The following SLC22A24 variants were observed in gnomAD, a reference collection of about 807,000 sequenced individuals.
SLC22A24 encodes solute carrier family 22 member 24.
A neutral mutation model predicts 49.8 loss-of-function variants in SLC22A24; 53 were observed. The observed-to-expected ratio is 1.06, with a 90% CI of 0.85 to 1.34. The LOEUF (loss-of-function observed/expected upper bound fraction) is 1.34, where lower values mean the gene tolerates loss of function less well. Ranked by LOEUF, SLC22A24 falls within the 40% of genes most tolerant of loss-of-function variation. The pLI is 0.00. For synonymous variants in SLC22A24, 302 were observed against 256.4 expected, an observed-to-expected ratio of 1.18 and a Z score of -1.70; for missense variants, 786 against 675.9, an observed-to-expected ratio of 1.16 and a Z score of -1.81.
chr11:63,131,603 G>A (rs891934059), intron 2 of SLC22A24, among the ~76,000 whole-genome samples: 3 of 152,256 alleles, frequency 2.0e-5, no homozygotes, highest in East Asian at 1.9e-4. Flanking sequence ...TTGAATATTG[G>A]CCCCCAATCT....
At chr11:63,127,483 G>T (rs1317570020) in intron 2 of SLC22A24, among the ~76,000 whole-genome samples, 1 of 152,044 alleles carries the variant, frequency 6.6e-6, no homozygotes, top group Non-Finnish European at 1.5e-5. Flanking sequence ...TAATCCTTTG[G>T]GTATATACCC....
chr11:63,125,316 C>G (rs1340595439), intron 2 of SLC22A24, among the ~76,000 whole-genome samples: 1 of 152,096 alleles, frequency 6.6e-6, no homozygotes, highest in Non-Finnish European at 1.5e-5. Context: ...TAGCCCTGCA[C>G]TCCACGACAG....
chr11:63,136,804 G>A (rs1349930360), intron 1 of SLC22A24, among the ~76,000 whole-genome samples: 1 of 152,208 alleles, frequency 6.6e-6, no homozygotes, highest in Non-Finnish European at 1.5e-5. Flanking sequence ...GCCAGCCCAA[G>A]TGGTCGCCTA....
chr11:63,088,718 T>C lies in SLC22A24; in HGVS notation c.1071-5261A>G, dbSNP rs1040008633. Among the ~76,000 whole-genome samples, 21 of 152,120 alleles carry C rather than the reference T, an allele frequency of 1.4e-4. No homozygotes were observed. The South Asian group carries it at 1.5e-3, about 11-fold the overall frequency. ...GAACTGCTAACTAGAATGACCAGTT[T>C]AGAGAAAAACATAAATTACCTGATG... On this transcript the variant is annotated intron_variant, in intron 6 of 9. Transcript: ENST00000612278.
chr11:63,111,792 A>G (rs1009495746), intron 4 of SLC22A24, among the ~76,000 whole-genome samples: 5 of 152,126 alleles, frequency 3.3e-5, no homozygotes, highest in African/African-American at 7.2e-5. Flanking sequence ...GATCCTTTCA[A>G]AAAACCAGCT....
intron 9 of SLC22A24, 59 bp downstream of exon 9, chr11:63,080,861 T>C: frequency 6.9e-7 from 1 of 1,440,584 alleles, no homozygotes; most frequent in Non-Finnish European, 9.5e-7. Flanking sequence ...CCTTTCTCAT[T>C]AAACAGCTAC....
chr11:63,080,098 G>T, intron 9 of SLC22A24, 98 bp from the exon 10 acceptor site: 1 of 717,658 alleles, frequency 1.4e-6, no homozygotes, highest in South Asian at 1.8e-5. Flanking sequence ...AGGACAAGCT[G>T]CCCTCTACCC....
chr11:63,087,975 G>A (rs1008357817), intron 6 of SLC22A24, among the ~76,000 whole-genome samples: 40 of 152,264 alleles, frequency 2.6e-4, no homozygotes, highest in African/African-American at 9.1e-4. Context: ...AGTGGCTGTG[G>A]GCGCAGCTTC....
chr11:63,128,749 T>A (rs1290136541), intron 2 of SLC22A24, among the ~76,000 whole-genome samples: 2 of 152,186 alleles, frequency 1.3e-5, no homozygotes, highest in African/African-American at 4.8e-5. Flanking sequence ...ACCTTACCTA[T>A]CATTGGAGAT....
intron 2 of SLC22A24, among the ~76,000 whole-genome samples, chr11:63,131,798 T>C (rs1363144289): frequency 6.6e-6 from 1 of 152,206 alleles, no homozygotes; most frequent in African/African-American, 2.4e-5. Flanking sequence ...TAGTGTTCTC[T>C]GTATTTCCTG....
Position 63,081,610 on chromosome 11 carries a change from CA to C in SLC22A24, c.1341del (p.Ala448LeufsTer17), listed in dbSNP as rs1231143350. On this transcript the variant is annotated frameshift_variant, in exon 8 of 10. Transcript: ENST00000612278. LOFTEE classifies it high-confidence loss of function. Reference protein sequence around the residue: ...LATLGIGSVSAASNSASVHHN... With the variant: ...LATLGIGSVSXASNSASVHHN... The stretch of plus-strand genomic sequence containing the variant: ...TGGTGGACAGAAGCACTGTTGCTAG[CA>C]GCAGAAACACTACCAATTCCCAAAG... 2 of 1,551,500 alleles carry C rather than the reference CA, an allele frequency of 1.3e-6. No individual in the cohort carries two copies. Among genetic ancestry groups the C allele is most frequent in the East Asian group, 4.9e-5 (2 of 40,932 alleles).
intron 4 of SLC22A24, chr11:63,116,245 G>A: frequency 3.0e-6 from 1 of 331,190 alleles, no homozygotes; most frequent in Non-Finnish European, 5.7e-6. Context: ...ACACCCTTAA[G>A]AGATTCATAT....
chr11:63,100,405 A>G (rs552857340), intron 5 of SLC22A24, among the ~76,000 whole-genome samples: 3 of 152,290 alleles, frequency 2.0e-5, no homozygotes, highest in African/African-American at 7.2e-5. Flanking sequence ...GCACTGATGC[A>G]AGAAATCGAA....
rs562740294 is a variant in SLC22A24 at position 63,083,453 on chromosome 11, C to T, written c.1075G>A (p.Ala359Thr). The change falls in exon 7 of 10, where the codon GCA becomes ACA. Residue 359 changes from alanine (A) to threonine (T), a missense_variant. Physicochemically the swap from Ala to Thr is moderately conservative, Grantham distance 58. Coordinates refer to ENST00000612278, the MANE Select transcript of SLC22A24 (RefSeq NM_001136506.2). ...RVFGLCFVRF[A>T]ITVPFYGLIL... Reference sequence around the variant, plus strand: ...AGGCCATAAAAGGGTACAGTGATTGCGAATCTGAAGTGAATAAAAAGGACA... The same window carrying T: ...AGGCCATAAAAGGGTACAGTGATTGTGAATCTGAAGTGAATAAAAAGGACA... 26 of 1,549,538 alleles carry T rather than the reference C, an allele frequency of 1.7e-5. No individual in the cohort carries two copies. The highest frequency in any genetic ancestry group is 1.1e-4 in the South Asian group (9 of 83,970).
At chr11:63,092,263 A>T (rs537842806) in intron 6 of SLC22A24, among the ~76,000 whole-genome samples, 1 of 151,734 alleles carries the variant, frequency 6.6e-6, no homozygotes, top group East Asian at 2.0e-4. Flanking sequence ...GACACAAACA[A>T]ATGGAAAAAA....
At chr11:63,080,092 C>G (rs1053824060) in intron 9 of SLC22A24, 92 bp from the exon 10 acceptor site, 6 of 754,888 alleles carry the variant, frequency 7.9e-6, no homozygotes, top group Non-Finnish European at 1.3e-5. Context: ...TGCCTGAGGA[C>G]AAGCTGCCCT....
At chr11:63,089,979 G>C (rs1361120252) in intron 6 of SLC22A24, among the ~76,000 whole-genome samples, 6 of 150,182 alleles carry the variant, frequency 4.0e-5, no homozygotes, top group African/African-American at 1.5e-4. Flanking sequence ...TACTCGGGAG[G>C]CTGAGGCAGG....
intron 2 of SLC22A24, among the ~76,000 whole-genome samples, chr11:63,129,634 G>A (rs544840153): frequency 3.3e-5 from 5 of 152,164 alleles, no homozygotes; most frequent in Non-Finnish European, 5.9e-5. Context: ...CCACTTGCTT[G>A]TGTCCTCTTT....
Position 63,083,395 on chromosome 11 carries a change from AC to A in SLC22A24, c.1132del (p.Val378SerfsTer21). 1 of 1,551,622 alleles carries A rather than the reference AC, an allele frequency of 6.4e-7. No individual in the cohort carries two copies. Among genetic ancestry groups the A allele is most frequent in the Non-Finnish European group, 8.7e-7 (1 of 1,146,872 alleles). On this transcript the variant is annotated frameshift_variant, in exon 7 of 10. Coordinates refer to ENST00000612278, the MANE Select transcript of SLC22A24 (RefSeq NM_001136506.2). LOFTEE classifies it high-confidence loss of function. ...TCCACAGAGAATCTGGAACAGGGAGACATTGCTCCCTAAGTGCTGCAAGTTG... is the reference window on the plus strand; with the variant it reads ...TCCACAGAGAATCTGGAACAGGGAGAATTGCTCCCTAAGTGCTGCAAGTTG... Reference protein sequence around the residue: ...ILNLQHLGSNVSLFQILCGAV... With the variant: ...ILNLQHLGSNXSLFQILCGAV...
Sources: gnomAD v4.1 joint callset for allele counts (sites outside exome capture counted in the v4.1 genomes callset) on GRCh38, gnomAD v4.1.1 for gene constraint, MANE v1.5 for transcripts, NCBI Gene and HGNC (gene_info 2026-07-23, HGNC 2026-07-21) for gene names.